The following WWOX variants were observed in gnomAD, a reference collection of about 807,000 sequenced individuals.
WWOX encodes the protein WW domain containing oxidoreductase.
In WWOX, 69 loss-of-function variants were observed where a neutral mutation model predicts 46.2. The ratio of observed to expected loss-of-function variants is 1.49; its 90% confidence interval spans 1.23 to 1.82. The LOEUF (loss-of-function observed/expected upper bound fraction) is 1.82, where lower values mean the gene tolerates loss of function less well. Among genes scored for constraint, WWOX ranks in the 40% most tolerant of loss-of-function variants. The pLI is 0.00. For missense variants in WWOX, 919 were observed against 542.6 expected (o/e 1.69, Z -6.89); for synonymous variants, 359 against 202.6 (o/e 1.77, Z -6.56).
At chr16:79,059,756 A>C (rs1031165089) in intron 8 of WWOX, among the ~76,000 whole-genome samples, 1 of 152,176 alleles carries the variant, frequency 6.6e-6, no homozygotes, top group African/African-American at 2.4e-5. Flanking sequence ...GAAATGGGTA[A>C]ACTTGAAACA....
chr16:78,803,401 G>A (rs1179773050), intron 8 of WWOX, among the ~76,000 whole-genome samples: 1 of 152,058 alleles, frequency 6.6e-6, no homozygotes, highest in Non-Finnish European at 1.5e-5. Flanking sequence ...TGTTTTATAT[G>A]GAGGTTTTAA....
intron 8 of WWOX, among the ~76,000 whole-genome samples, chr16:78,977,920 C>T (rs767149788): frequency 3.3e-5 from 5 of 152,184 alleles, no homozygotes; most frequent in Non-Finnish European, 7.3e-5. Context: ...ATAAGATTAA[C>T]CATTTCAAAG....
At chr16:78,776,839 G>A (rs886660476) in intron 8 of WWOX, among the ~76,000 whole-genome samples, 11 of 152,014 alleles carry the variant, frequency 7.2e-5, no homozygotes, top group South Asian at 2.1e-4. Flanking sequence ...CCATCAGATC[G>A]CGTAAGAACT....
intron 8 of WWOX, among the ~76,000 whole-genome samples, chr16:78,741,319 G>T (rs954320249): frequency 6.6e-6 from 1 of 152,214 alleles, no homozygotes; most frequent in Non-Finnish European, 1.5e-5. Flanking sequence ...CCAGCATTTT[G>T]GGAGGCCAAG....
intron 8 of WWOX, among the ~76,000 whole-genome samples, chr16:79,183,610 T>G (rs2050955447): frequency 6.6e-6 from 1 of 152,176 alleles, no homozygotes. Context: ...TCCTTATACT[T>G]AATAACATAC....
In WWOX at chr16:79,157,975, G is replaced by A. The variant is rs527782384; in HGVS notation, c.1057-53633G>A. The stretch of plus-strand genomic sequence containing the variant: ...GCCTGGGGCATGAGAAATAAAGGAG[G>A]TGGTGGGGTGTAAGTTCTGGATTGG... On this transcript the variant is annotated intron_variant, in intron 8 of 8. Transcript: ENST00000566780. Among the ~76,000 whole-genome samples, 24 of 152,290 alleles carry A rather than the reference G, an allele frequency of 1.6e-4. No individual in the cohort carries two copies. The South Asian group carries it at 4.6e-3, about 29-fold the overall frequency.
chr16:79,157,999 G>A (rs1390440146), intron 8 of WWOX, among the ~76,000 whole-genome samples: 2 of 152,152 alleles, frequency 1.3e-5, no homozygotes, highest in Admixed American at 1.3e-4. Flanking sequence ...GTTCTGGATT[G>A]GTTGGGTTGC....
chr16:78,952,912 G>A (rs1397219684), intron 8 of WWOX, among the ~76,000 whole-genome samples: 1 of 152,148 alleles, frequency 6.6e-6, no homozygotes, highest in Non-Finnish European at 1.5e-5. Flanking sequence ...AGGAATCAAA[G>A]GGAAACCTGA....
intron 5 of WWOX, among the ~76,000 whole-genome samples, chr16:78,228,859 G>C (rs1338292588): frequency 6.6e-6 from 1 of 152,132 alleles, no homozygotes; most frequent in Non-Finnish European, 1.5e-5. Flanking sequence ...AGGCTCTCGT[G>C]GCTTTTTGTG....
At position 78,501,970 on chromosome 16, in the gene WWOX, G is replaced by A. The variant is rs147807306; in HGVS notation, c.1056+69218G>A. Among the ~76,000 whole-genome samples, 356 of 152,246 alleles carry A rather than the reference G, an allele frequency of 2.3e-3. 7 individuals carry two copies. The highest frequency in any genetic ancestry group is 0.019 in the Admixed American group (286 of 15,292). On this transcript the variant is annotated intron_variant, in intron 8 of 8. Coordinates refer to ENST00000566780, the MANE Select transcript of WWOX (RefSeq NM_016373.4). ...TTCGGTTCCTCTCAGAGTTAACGTA[G>A]AAGGTTTCTGGGGGCATGGACCTGA... is the stretch of plus-strand genomic sequence containing the variant.
In WWOX at chr16:78,969,252, G is replaced by GCT. The variant is rs202162858; in HGVS notation, c.1057-242339_1057-242338dup. On this transcript the variant is annotated intron_variant, in intron 8 of 8. Coordinates refer to ENST00000566780, the MANE Select transcript of WWOX (RefSeq NM_016373.4). ...AAAATAACACTAGGATTGCCACCCTGCTCTCTCTCTCTCTCTCTTTTTTTT... is the reference window on the plus strand; with the variant it reads ...AAAATAACACTAGGATTGCCACCCTGCTCTCTCTCTCTCTCTCTCTTTTTTTT... Among the ~76,000 whole-genome samples the GCT allele has an allele frequency of 3.5e-4, 52 of 148,438 alleles. No homozygotes were observed. The South Asian group carries it at 5.4e-3, about 15-fold the overall frequency.
At chr16:79,068,446 A>G (rs900015142) in intron 8 of WWOX, among the ~76,000 whole-genome samples, 4 of 152,056 alleles carry the variant, frequency 2.6e-5, no homozygotes, top group Admixed American at 6.6e-5. Context: ...TTCCTCCTGA[A>G]TGCACAATCA....
intron 8 of WWOX, among the ~76,000 whole-genome samples, chr16:79,061,563 A>G (rs2048358029): frequency 6.6e-6 from 1 of 152,216 alleles, no homozygotes; most frequent in South Asian, 2.1e-4. Flanking sequence ...GTTTATTTAG[A>G]AAGTAACACT....
At chr16:78,539,325 A>C (rs1297537503) in intron 8 of WWOX, among the ~76,000 whole-genome samples, 2 of 152,146 alleles carry the variant, frequency 1.3e-5, no homozygotes, top group African/African-American at 4.8e-5. Flanking sequence ...AATTGAAATA[A>C]CTCGCAAAAA....
chr16:78,695,737 C>T (rs1466527004), intron 8 of WWOX, among the ~76,000 whole-genome samples: 1 of 152,196 alleles, frequency 6.6e-6, no homozygotes, highest in Non-Finnish European at 1.5e-5. Context: ...GAACCAAGAG[C>T]CAGACACAGG....
At chr16:78,703,197 C>T (rs567639580) in intron 8 of WWOX, among the ~76,000 whole-genome samples, 158 of 150,644 alleles carry the variant, frequency 1.0e-3, no homozygotes, top group South Asian at 0.01. Context: ...CCGCTCCTTC[C>T]TGACAAGAGT....
intron 8 of WWOX, among the ~76,000 whole-genome samples, chr16:79,139,981 C>G (rs1032889823): frequency 2.0e-5 from 3 of 152,196 alleles, no homozygotes; most frequent in African/African-American, 7.2e-5. Flanking sequence ...TTGGTTCAAA[C>G]TCTGGCAGCC....
chr16:78,490,529 C>T (rs533923310), intron 8 of WWOX, among the ~76,000 whole-genome samples: 1 of 152,256 alleles, frequency 6.6e-6, no homozygotes, highest in South Asian at 2.1e-4. Context: ...GTTTTCAATG[C>T]TGGGCTAGTT....
chr16:78,424,995 A>G lies in WWOX; in HGVS notation c.731A>G (p.Gln244Arg), dbSNP rs2083043036. 2 of 1,614,120 alleles carry G rather than the reference A, an allele frequency of 1.2e-6. No individual in the cohort carries two copies. The highest frequency in any genetic ancestry group is 1.7e-6 in the Non-Finnish European group (2 of 1,180,020). Residue 244 changes from glutamine (Q) to arginine (R), a missense_variant, in exon 7 of 9, where the codon CAG becomes CGG. Transcript: ENST00000566780. ...CACTTCTACCTTGTCCAGCTCCTCC[A>G]GGATGTTTTGTGCCGCTCAGCTCCT... ...LGHFYLVQLL[Q>R]DVLCRSAPAR...
Sources: gnomAD v4.1 joint callset for allele counts (sites outside exome capture counted in the v4.1 genomes callset) on GRCh38, gnomAD v4.1.1 for gene constraint, MANE v1.5 for transcripts, NCBI Gene and HGNC (gene_info 2026-07-23, HGNC 2026-07-21) for gene names.